Variants in JMJD1C observed in about 807,000 individuals in gnomAD.
JMJD1C encodes the protein jumonji domain containing 1C.
Under a neutral mutation model 245.3 loss-of-function variants are expected in JMJD1C, and 31 were observed. The ratio of observed to expected loss-of-function variants is 0.13; its 90% CI spans 0.09 to 0.17. The LOEUF is 0.17. Ranked by LOEUF, JMJD1C falls within the 10% of genes least tolerant of loss-of-function variation. The pLI is 1.00. For synonymous variants in JMJD1C, 1,057 were observed against 1,017.4 expected, an observed-to-expected ratio of 1.04 and a Z score of -0.74; for missense variants, 2,691 against 3,000.2, an observed-to-expected ratio of 0.90 and a Z score of 2.41.
rs1443279362 is a variant in JMJD1C, at chr10:63,197,348, T to TAGA, written c.5644+60_5644+62dup. On this transcript the variant is annotated intron_variant, in intron 13 of 25. Transcript: ENST00000399262. ...GAATAAAAAAACACATCTCATGTTC[T>TAGA]AGAAGAGTGATCCTAAAGAAAAATT... 18 of 1,360,546 alleles carry TAGA rather than the reference T, an allele frequency of 1.3e-5. No individual in the cohort carries two copies. In the Admixed American group the frequency reaches 3.6e-4, roughly 27 times the overall value. 84.3% of individuals were successfully genotyped at this position (1,360,546 alleles called of 1,614,324 possible). A position where few individuals can be genotyped will look rare whatever the true frequency, so the allele number is the denominator to read the frequency against.
At chr10:63,356,016 TGTA>T (rs2134324013) in intron 2 of JMJD1C, among the ~76,000 whole-genome samples, 1 of 152,348 alleles carries the variant, frequency 6.6e-6, no homozygotes, top group South Asian at 2.1e-4. Context: ...GAGGACTTCT[TGTA>T]GTCCAATGTG....
chr10:63,324,277 T>C (rs772049927), intron 2 of JMJD1C, among the ~76,000 whole-genome samples: 25 of 151,780 alleles, frequency 1.6e-4, no homozygotes, highest in Non-Finnish European at 3.2e-4. Flanking sequence ...TCGTATATCC[T>C]TAAAACAGAG....
chr10:63,306,338 T>C (rs1249824326), intron 2 of JMJD1C, among the ~76,000 whole-genome samples: 2 of 152,120 alleles, frequency 1.3e-5, no homozygotes, highest in Non-Finnish European at 2.9e-5. Context: ...GATCTGCCCG[T>C]CTTGGCCTCC....
chr10:63,242,848 A>G (rs370354455), intron 3 of JMJD1C, among the ~76,000 whole-genome samples: 9 of 152,052 alleles, frequency 5.9e-5, no homozygotes, highest in Non-Finnish European at 1.0e-4. Flanking sequence ...TCCTTATTAA[A>G]AAAAATTTAG....
At chr10:63,415,001 TA>T (rs1949719522) in intron 1 of JMJD1C, among the ~76,000 whole-genome samples, 1 of 152,080 alleles carries the variant, frequency 6.6e-6, no homozygotes, top group Non-Finnish European at 1.5e-5. Context: ...AACAAGGCCT[TA>T]AAAGTGAACT....
chr10:63,236,652 G>T (rs1425423224), intron 3 of JMJD1C, among the ~76,000 whole-genome samples: 1 of 152,118 alleles, frequency 6.6e-6, no homozygotes, highest in Non-Finnish European at 1.5e-5. Flanking sequence ...AGGAAGGCCT[G>T]GGAACTGTTT....
intron 1 of JMJD1C, among the ~76,000 whole-genome samples, chr10:63,392,846 A>AAAG (rs1948165848): frequency 7.1e-6 from 1 of 141,706 alleles, no homozygotes; most frequent in African/African-American, 2.6e-5. Context: ...AAAAAAAAAA[A>AAAG]GGTGGGCAAA....
chr10:63,465,827 ACCTCGGGC>A lies in JMJD1C; in HGVS notation c.-173_-166del, dbSNP rs1158378266. 7.7e-6 allele frequency: 6 copies of A among 779,628 alleles called. No individual in the cohort carries two copies. The South Asian group carries it at 8.8e-5, about 11-fold the overall frequency. The allele number at this position is 779,628 out of a possible 1,614,324, so 48.3% of individuals were successfully genotyped here. Reference sequence around the variant, plus strand: ...CGGCCGCTCTGCCCCGGACACAGCGACCTCGGGCCCTCCCCGCAAACACTCCTTTGGAC... The same window carrying A: ...CGGCCGCTCTGCCCCGGACACAGCGACCTCCCCGCAAACACTCCTTTGGAC... On this transcript the variant is annotated 5_prime_UTR_variant, in exon 1 of 26. Transcript: ENST00000399262.
chr10:63,449,056 G>A (rs1330029457), intron 1 of JMJD1C, among the ~76,000 whole-genome samples: 2 of 152,110 alleles, frequency 1.3e-5, no homozygotes, highest in Admixed American at 6.5e-5. Context: ...GGCAGAGGCT[G>A]CAGTGAGCCA....
intron 1 of JMJD1C, among the ~76,000 whole-genome samples, chr10:63,446,744 T>C (rs1352794716): frequency 6.6e-6 from 1 of 152,228 alleles, no homozygotes; most frequent in Non-Finnish European, 1.5e-5. Flanking sequence ...TGGAAAATGA[T>C]GCTTGATTTT....
At chr10:63,322,802 C>CAAA (rs58263377) in intron 2 of JMJD1C, among the ~76,000 whole-genome samples, 9 of 73,774 alleles carry the variant, frequency 1.2e-4, no homozygotes, top group South Asian at 5.3e-4. Flanking sequence ...GATTCCATCT[C>CAAA]AAAAAAAAAA....
chr10:63,507,742 C>T (rs1168489138), intron 1 of JMJD1C, among the ~76,000 whole-genome samples: 1 of 150,818 alleles, frequency 6.6e-6, no homozygotes, highest in Non-Finnish European at 1.5e-5. Context: ...CATTTTGTGT[C>T]ATCGGTGTTC....
intron 1 of JMJD1C, among the ~76,000 whole-genome samples, chr10:63,391,087 T>C (rs1226532726): frequency 2.6e-5 from 4 of 152,146 alleles, no homozygotes; most frequent in Non-Finnish European, 5.9e-5. Flanking sequence ...ACTGTGTATC[T>C]AGGAAAACCT....
At chr10:63,428,004 T>C in intron 1 of JMJD1C, 1 of 673,054 alleles carries the variant, frequency 1.5e-6, no homozygotes, top group East Asian at 2.8e-5. Context: ...GCCCCCTCTG[T>C]GCTGTCCACT....
rs368304419 is a variant in JMJD1C at position 63,208,324 on chromosome 10, T to G, written c.3345A>C (p.Ser1115=). The G allele has an allele frequency of 6.8e-5, 109 of 1,614,024 alleles. No individual in the cohort carries two copies. Among genetic ancestry groups the G allele is most frequent in the Non-Finnish European group, 8.7e-5 (103 of 1,180,014 alleles). The change falls in exon 10 of 26, where the codon TCA becomes TCC. Residue 1115 remains serine, a synonymous_variant. Transcript: ENST00000399262. ...PPRSYPSKEV[S]NIYGDKQSNA... ...TACTCTGTTTATCACCGTAAATATT[T>G]GAAACTTCTTTGGATGGGTATGATC...
chr10:63,354,448 TC>T (rs1462976084), intron 2 of JMJD1C, among the ~76,000 whole-genome samples: 2 of 152,186 alleles, frequency 1.3e-5, no homozygotes, highest in Non-Finnish European at 2.9e-5. Context: ...AATCATTTCT[TC>T]ATTTTAACCA....
At chr10:63,511,302 T>G (rs1954864788) in intron 1 of JMJD1C, among the ~76,000 whole-genome samples, 1 of 152,212 alleles carries the variant, frequency 6.6e-6, no homozygotes, top group African/African-American at 2.4e-5. Context: ...ATTATATGAT[T>G]TCATTTTCTC....
chr10:63,476,081 G>A (rs1389097811), intron 1 of JMJD1C, among the ~76,000 whole-genome samples: 6 of 151,700 alleles, frequency 4.0e-5, no homozygotes, highest in African/African-American at 7.3e-5. Context: ...ATGGTGGCAG[G>A]TGCCTGTAAT....
intron 1 of JMJD1C, among the ~76,000 whole-genome samples, chr10:63,461,455 A>G (rs1473640113): frequency 6.6e-6 from 1 of 152,240 alleles, no homozygotes; most frequent in Middle Eastern, 3.2e-3. Flanking sequence ...AACTTAAATG[A>G]GAAAACTAAG....
Sources: gnomAD v4.1 joint callset for allele counts (sites outside exome capture counted in the v4.1 genomes callset) on GRCh38, gnomAD v4.1.1 for gene constraint, MANE v1.5 for transcripts, NCBI Gene and HGNC (gene_info 2026-07-23, HGNC 2026-07-21) for gene names.